RSU1: variants seen among roughly 807,000 people sequenced by gnomAD.
RSU1 encodes rsu-1.
RSU1 carries 26 observed loss-of-function variants against 31.1 expected under a neutral mutation model. That is an observed-to-expected ratio of 0.84 (90% CI 0.61 to 1.16). The LOEUF (loss-of-function observed/expected upper bound fraction) is 1.16, where lower values mean the gene tolerates loss of function less well. Ranked by LOEUF, RSU1 falls within the 50% of genes most tolerant of loss-of-function variation. The pLI, the probability that RSU1 is intolerant of heterozygous loss-of-function variation, is 0.00. For synonymous variants in RSU1, 164 were observed against 136.3 expected (o/e 1.20, Z -1.41); for missense variants, 320 against 339.1 (o/e 0.94, Z 0.44).
At chr10:16,784,558 C>T (rs1837732051) in intron 2 of RSU1, among the ~76,000 whole-genome samples, 1 of 152,088 alleles carries the variant, frequency 6.6e-6, no homozygotes. Context: ...TCTCACGCTG[C>T]TAGTAAAGAC....
intron 8 of RSU1, among the ~76,000 whole-genome samples, chr10:16,673,062 C>A (rs1221236046): frequency 6.6e-6 from 1 of 152,044 alleles, no homozygotes; most frequent in Non-Finnish European, 1.5e-5. Context: ...CAAGCTTATT[C>A]TCCAAGGCTA....
chr10:16,632,707 G>T (rs1389150321), intron 8 of RSU1, among the ~76,000 whole-genome samples: 1 of 152,166 alleles, frequency 6.6e-6, no homozygotes, highest in East Asian at 1.9e-4. Flanking sequence ...GAGAGGCCGA[G>T]ATGGGCATAT....
chr10:16,618,882 G>A (rs981535166), intron 8 of RSU1, among the ~76,000 whole-genome samples: 1 of 152,028 alleles, frequency 6.6e-6, no homozygotes, highest in African/African-American at 2.4e-5. Context: ...ATGCATGTGG[G>A]GCTTAAAACC....
At chr10:16,768,739 T>C (rs1462022935) in intron 3 of RSU1, among the ~76,000 whole-genome samples, 2 of 152,244 alleles carry the variant, frequency 1.3e-5, no homozygotes, top group African/African-American at 4.8e-5. Context: ...CTGAATGTGA[T>C]TCAAGAGTTT....
chr10:16,630,159 G>A (rs1444823780), intron 8 of RSU1, among the ~76,000 whole-genome samples: 1 of 151,974 alleles, frequency 6.6e-6, no homozygotes, highest in East Asian at 1.9e-4. Flanking sequence ...TCCTGCATCG[G>A]CCTCTCAAAG....
chr10:16,757,039 G>GTGTGTGT (rs1160927298), intron 4 of RSU1, among the ~76,000 whole-genome samples: 1 of 147,232 alleles, frequency 6.8e-6, no homozygotes, highest in Non-Finnish European at 1.5e-5. Context: ...GTGTGTGTGT[G>GTGTGTGT]GTGTGTGTGT....
intron 3 of RSU1, among the ~76,000 whole-genome samples, chr10:16,771,090 G>A (rs1228476680): frequency 6.6e-6 from 1 of 152,112 alleles, no homozygotes; most frequent in Non-Finnish European, 1.5e-5. Flanking sequence ...GAGGATGGCA[G>A]AGGATATTAA....
intron 7 of RSU1, among the ~76,000 whole-genome samples, chr10:16,746,824 G>A (rs1836865268): frequency 6.6e-6 from 1 of 151,942 alleles, no homozygotes; most frequent in African/African-American, 2.4e-5. Flanking sequence ...ACAAAAAAGG[G>A]GTGAAAGTTC....
intron 8 of RSU1, among the ~76,000 whole-genome samples, chr10:16,660,501 T>C (rs896783118): frequency 2.6e-5 from 4 of 152,172 alleles, no homozygotes; most frequent in Admixed American, 6.5e-5. Flanking sequence ...TATTTTAATA[T>C]AGTGGATCTT....
intron 7 of RSU1, among the ~76,000 whole-genome samples, chr10:16,711,506 T>G (rs1380221126): frequency 2.0e-5 from 3 of 152,190 alleles, no homozygotes; most frequent in Non-Finnish European, 4.4e-5. Context: ...CTCTCTTCTT[T>G]TCTAATGTAG....
intron 7 of RSU1, among the ~76,000 whole-genome samples, chr10:16,725,494 T>C (rs764073687): frequency 8.6e-4 from 131 of 152,182 alleles, no homozygotes; most frequent in Non-Finnish European, 1.5e-3. Context: ...AACGAAAGCA[T>C]CTTGAGCGGG....
intron 8 of RSU1, among the ~76,000 whole-genome samples, chr10:16,654,456 G>A (rs892602229): frequency 6.6e-6 from 1 of 150,926 alleles, no homozygotes; most frequent in Admixed American, 6.6e-5. Context: ...GATCACTTGA[G>A]GTCAGGAGTT....
At chr10:16,626,563 G>T (rs954602386) in intron 8 of RSU1, among the ~76,000 whole-genome samples, 2 of 152,178 alleles carry the variant, frequency 1.3e-5, no homozygotes, top group African/African-American at 4.8e-5. Flanking sequence ...ATGCACTGGG[G>T]AGGATGGAAC....
At chr10:16,735,403 G>C (rs1375096321) in intron 7 of RSU1, among the ~76,000 whole-genome samples, 1 of 152,174 alleles carries the variant, frequency 6.6e-6, no homozygotes, top group African/African-American at 2.4e-5. Context: ...GTGTAAATGG[G>C]TAAGAAAAGA....
intron 8 of RSU1, among the ~76,000 whole-genome samples, chr10:16,610,589 C>A (rs1201535293): frequency 1.3e-5 from 2 of 152,136 alleles, no homozygotes; most frequent in Non-Finnish European, 2.9e-5. Context: ...GCCTGATGAT[C>A]CGTCACTATT....
At chr10:16,815,135 G>A (rs1405914890) in intron 2 of RSU1, among the ~76,000 whole-genome samples, 1 of 152,188 alleles carries the variant, frequency 6.6e-6, no homozygotes. Flanking sequence ...CCGGGCAGGC[G>A]CAGCAAGGGG....
chr10:16,808,119 G>A (rs1324896947), intron 2 of RSU1, among the ~76,000 whole-genome samples: 1 of 151,778 alleles, frequency 6.6e-6, no homozygotes, highest in Non-Finnish European at 1.5e-5. Flanking sequence ...TGGCCCTGGT[G>A]AGCCCTTCGG....
intron 7 of RSU1, among the ~76,000 whole-genome samples, chr10:16,699,564 C>T (rs991230377): frequency 1.3e-5 from 2 of 152,358 alleles, no homozygotes; most frequent in African/African-American, 2.4e-5. Flanking sequence ...TGACGCCACA[C>T]GCTTCAGTGC....
intron 8 of RSU1, among the ~76,000 whole-genome samples, chr10:16,665,292 C>A (rs1302159666): frequency 1.3e-5 from 2 of 152,138 alleles, no homozygotes; most frequent in African/African-American, 2.4e-5. Flanking sequence ...TCTTTCCTAA[C>A]AACCCTCCAA....
Sources: gnomAD v4.1 joint callset for allele counts (sites outside exome capture counted in the v4.1 genomes callset) on GRCh38, gnomAD v4.1.1 for gene constraint, MANE v1.5 for transcripts, NCBI Gene and HGNC (gene_info 2026-07-23, HGNC 2026-07-21) for gene names.